The following DPP9 variants were observed in gnomAD, a reference collection of about 807,000 sequenced individuals.
DPP9 encodes dipeptidyl peptidase IV-related protein-2.
DPP9 carries 50 observed loss-of-function variants against 110.7 expected under a neutral mutation model. The observed-to-expected ratio is 0.45, with a 90% confidence interval of 0.36 to 0.57. The LOEUF (loss-of-function observed/expected upper bound fraction) is 0.57, where lower values mean the gene tolerates loss of function less well. DPP9 is among the 20% of genes least tolerant of loss of function. DPP9 has a pLI of 0.00. For synonymous variants in DPP9, 561 were observed against 514.4 expected (o/e 1.09, Z -1.23); for missense variants, 1,022 against 1,217.9 (o/e 0.84, Z 2.39).
intron 21 of DPP9, among the ~76,000 whole-genome samples, chr19:4,677,405 AG>A (rs1193265820): frequency 2.0e-5 from 3 of 152,156 alleles, no homozygotes; most frequent in African/African-American, 7.2e-5. Flanking sequence ...CAGCAGGGGC[AG>A]GTGGCCCATC....
rs151285928 is a variant in DPP9, at chr19:4,693,670, C to T, written c.1516+991G>A. Among the ~76,000 whole-genome samples the T allele has an allele frequency of 4.6e-3, 699 of 152,254 alleles. 7 individuals are homozygous for T. The highest frequency in any genetic ancestry group is 0.016 in the African/African-American group (668 of 41,546). On this transcript the variant is annotated intron_variant, in intron 13 of 21. Coordinates refer to ENST00000262960, the MANE Select transcript of DPP9 (RefSeq NM_139159.5). This position sits in a 1 kb window ranked among gnomAD's most constrained non-coding sequence, Gnocchi z 5.0. ...ATGACAGCAAGCCTGTCGCCTCTCC[C>T]GGCCCCTGGGCCTGTGTGCAAGCTG...
intron 13 of DPP9, among the ~76,000 whole-genome samples, chr19:4,692,581 G>C (rs2091423705): frequency 6.6e-6 from 1 of 152,144 alleles, no homozygotes; most frequent in Admixed American, 6.5e-5. Context: ...GGCTGAGCAG[G>C]GTGCTGGGAA....
rs1414383876 is a variant in DPP9 at position 4,693,230 on chromosome 19, C to T, written c.1516+1431G>A. ...CACCCGGCCCTGGCGTCCATGGTGT[C>T]CCTGCTCTAACTTTGAAGAGCCTGG... On this transcript the variant is annotated intron_variant, in intron 13 of 21. Coordinates refer to ENST00000262960, the MANE Select transcript of DPP9 (RefSeq NM_139159.5). The surrounding 1 kb of genome is among the most constrained non-coding windows in gnomAD (Gnocchi z 5.0). Among the ~76,000 whole-genome samples the T allele has an allele frequency of 2.0e-5, 3 of 152,140 alleles. No individual in the cohort carries two copies. Among genetic ancestry groups the T allele is most frequent in the Non-Finnish European group, 4.4e-5 (3 of 68,004 alleles).
chr19:4,700,335 CCGGCACGGGG>C lies in DPP9; in HGVS notation c.1013-68_1013-59del, dbSNP rs1323160113. 69 of 1,457,148 alleles carry C rather than the reference CCGGCACGGGG, an allele frequency of 4.7e-5. No individual in the cohort carries two copies. Among genetic ancestry groups the C allele is most frequent in the Non-Finnish European group, 6.5e-5 (69 of 1,066,164 alleles). The allele number at this position is 1,457,148 out of a possible 1,614,324, so 90.3% of individuals were successfully genotyped here. ...AGGCATCACCCGTGTGTGCCGAGAGCCGGCACGGGGGGCCTGGGCTGTGGGGTGACGTCCA... is the reference window on the plus strand; with the variant it reads ...AGGCATCACCCGTGTGTGCCGAGAGCGGCCTGGGCTGTGGGGTGACGTCCA... On this transcript the variant is annotated intron_variant, in intron 9 of 21. Transcript: ENST00000262960. This position sits in a 1 kb window ranked among gnomAD's most constrained non-coding sequence, Gnocchi z 4.3.
intron 15 of DPP9, 100 bp from the exon 16 acceptor site, chr19:4,688,992 C>G: frequency 2.2e-6 from 3 of 1,341,976 alleles, no homozygotes; most frequent in Non-Finnish European, 2.9e-6. Flanking sequence ...CCGCCCGCCC[C>G]CATCCCTCTG....
chr19:4,695,225 C>G lies in DPP9; in HGVS notation c.1353+153G>C, dbSNP rs1296827881. ...CACCAACCCCCCTAGACCCTCTTCC[C>G]TGCCAGCCAGGGATGGCCAAGGCCT... On this transcript the variant is annotated intron_variant, in intron 12 of 21. Transcript: ENST00000262960. The surrounding 1 kb of genome is among the most constrained non-coding windows in gnomAD (Gnocchi z 4.7). 3 of 809,912 alleles carry G rather than the reference C, an allele frequency of 3.7e-6. No homozygotes were observed. The highest frequency in any genetic ancestry group is 5.6e-6 in the Non-Finnish European group (3 of 532,746). 50.2% of individuals were successfully genotyped at this position (809,912 alleles called of 1,614,324 possible). A position where few individuals can be genotyped will look rare whatever the true frequency, so the allele number is the denominator to read the frequency against.
intron 16 of DPP9, among the ~76,000 whole-genome samples, chr19:4,686,618 C>T (rs2090759830): frequency 6.6e-6 from 1 of 152,152 alleles, no homozygotes; most frequent in Non-Finnish European, 1.5e-5. Context: ...CCACACCCAG[C>T]CATCGAACTC....
Position 4,685,548 on chromosome 19 carries a change from C to A in DPP9, c.2031+78G>T. 6.9e-7 allele frequency: 1 copy of A among 1,443,822 alleles called. No homozygotes were observed. Among genetic ancestry groups the A allele is most frequent in the East Asian group, 2.4e-5 (1 of 41,058 alleles). The allele number at this position is 1,443,822 out of a possible 1,614,324, so 89.4% of individuals were successfully genotyped here. A position where few individuals can be genotyped will look rare whatever the true frequency, so the allele number is the denominator to read the frequency against. The stretch of plus-strand genomic sequence containing the variant: ...GAGCCTCCTCTGGTTGACTGTTCTA[C>A]AGCTGGCACTTGAGTGGGGATGGGG... On this transcript the variant is annotated intron_variant, in intron 17 of 21. Transcript: ENST00000262960. The surrounding 1 kb of genome is among the most constrained non-coding windows in gnomAD (Gnocchi z 5.8).
intron 13 of DPP9, among the ~76,000 whole-genome samples, chr19:4,691,986 T>C (rs1366338615): frequency 2.0e-5 from 3 of 151,884 alleles, no homozygotes; most frequent in Non-Finnish European, 4.4e-5. Flanking sequence ...CCGACTTTTT[T>C]TGTGGGGGCG....
Position 4,704,376 on chromosome 19 carries a change from C to T in DPP9, c.427-72G>A, listed in dbSNP as rs922461593. 2.0e-5 allele frequency: 30 copies of T among 1,536,486 alleles called. No homozygotes were observed. Among genetic ancestry groups the T allele is most frequent in the African/African-American group, 2.7e-5 (2 of 73,248 alleles). ...ATCTCCCGCTGGCCAGGGCAGAGAT[C>T]CTCGGGCTGGGGCATTCCCAGGGAA... is the stretch of plus-strand genomic sequence containing the variant. On this transcript the variant is annotated intron_variant, in intron 5 of 21. Transcript: ENST00000262960. This position sits in a 1 kb window ranked among gnomAD's most constrained non-coding sequence, Gnocchi z 6.0.
At position 4,720,557 on chromosome 19, in the gene DPP9, GC is replaced by G. The variant is rs914038582; in HGVS notation, c.-35-617del. ...ACCACACCCAGACGCTGATACAATG[GC>G]CTGGACCATAATTCCAGTTGTCCCC... On this transcript the variant is annotated intron_variant, in intron 2 of 21. Coordinates refer to ENST00000262960, the MANE Select transcript of DPP9 (RefSeq NM_139159.5). Among the ~76,000 whole-genome samples the G allele has an allele frequency of 4.6e-4, 70 of 152,268 alleles. 2 individuals are homozygous for G. Among genetic ancestry groups the G allele is most frequent in the African/African-American group, 1.7e-3 (69 of 41,552 alleles).
intron 21 of DPP9, 23 bp downstream of exon 21, chr19:4,679,812 C>A: frequency 2.6e-6 from 4 of 1,558,502 alleles, no homozygotes; most frequent in Non-Finnish European, 3.5e-6. Flanking sequence ...GCGGAGGGGC[C>A]GAAGCCCCCA....
At position 4,685,490 on chromosome 19, in the gene DPP9, G is replaced by A. The variant is rs757400307; in HGVS notation, c.2031+136C>T. 7.2e-5 allele frequency: 71 copies of A among 990,562 alleles called. No homozygotes were observed. The highest frequency in any genetic ancestry group is 9.5e-5 in the Non-Finnish European group (63 of 664,628). The allele number at this position is 990,562 out of a possible 1,614,324, so 61.4% of individuals were successfully genotyped here. A position where few individuals can be genotyped will look rare whatever the true frequency, so the allele number is the denominator to read the frequency against. On this transcript the variant is annotated intron_variant, in intron 17 of 21. Transcript: ENST00000262960. The surrounding 1 kb of genome is among the most constrained non-coding windows in gnomAD (Gnocchi z 5.8). ...AGGACCCTGTGTAGTCAGGGCAGGC[G>A]GGGTGGGCTGGGGCACCAGGCAGGT... is the stretch of plus-strand genomic sequence containing the variant.
chr19:4,697,824 CTGAGT>C (rs1298327627), intron 10 of DPP9, among the ~76,000 whole-genome samples, 173 bp from the exon 11 acceptor site: 6 of 152,192 alleles, frequency 3.9e-5, no homozygotes, highest in Non-Finnish European at 7.3e-5. Flanking sequence ...TGGAGATGTA[CTGAGT>C]TAAGACAAGG....
chr19:4,683,958 G>A, intron 18 of DPP9: 1 of 696,118 alleles, frequency 1.4e-6, no homozygotes, highest in Non-Finnish European at 2.2e-6. Flanking sequence ...AAAAAGACGG[G>A]TGCCCAGGCA....
chr19:4,704,111 C>G lies in DPP9; in HGVS notation c.600+20G>C, dbSNP rs755763979. ...GGGCCCTCCACGCCACCCCCGCACA[C>G]AGCCAGGGCCAGGGCTCACCATGAA... On this transcript the variant is annotated intron_variant, in intron 6 of 21. Coordinates refer to ENST00000262960, the MANE Select transcript of DPP9 (RefSeq NM_139159.5). This position sits in a 1 kb window ranked among gnomAD's most constrained non-coding sequence, Gnocchi z 6.0. 5.0e-6 allele frequency: 8 copies of G among 1,613,812 alleles called. No homozygotes were observed. The East Asian group carries it at 1.8e-4, about 36-fold the overall frequency.
At position 4,685,949 on chromosome 19, in the gene DPP9, A is replaced by T. The variant is rs913583150; in HGVS notation, c.1886-178T>A. ...TTTTTTCATTAAATAAGATTTGTAC[A>T]GTTTTTGTAGAGATGGGGTCTTGTC... On this transcript the variant is annotated intron_variant, in intron 16 of 21. Coordinates refer to ENST00000262960, the MANE Select transcript of DPP9 (RefSeq NM_139159.5). This position sits in a 1 kb window ranked among gnomAD's most constrained non-coding sequence, Gnocchi z 5.8. 31 of 669,770 alleles carry T rather than the reference A, an allele frequency of 4.6e-5. 2 individuals carry two copies. In the South Asian group the frequency reaches 6.2e-4, roughly 13 times the overall value. 41.5% of individuals were successfully genotyped at this position (669,770 alleles called of 1,614,324 possible). A position where few individuals can be genotyped will look rare whatever the true frequency, so the allele number is the denominator to read the frequency against.
Position 4,689,003 on chromosome 19 carries a change from C to A in DPP9, c.1750-111G>T. On this transcript the variant is annotated intron_variant, in intron 15 of 21. Transcript: ENST00000262960. The surrounding 1 kb of genome is among the most constrained non-coding windows in gnomAD (Gnocchi z 7.0). ...CCTCCCGCCCGCCCCCATCCCTCTG[C>A]CCCTGCCTGTCATGAAACCTCAAAG... 3 of 1,270,842 alleles carry A rather than the reference C, an allele frequency of 2.4e-6. No homozygotes were observed. The highest frequency in any genetic ancestry group is 3.0e-6 in the Non-Finnish European group (3 of 989,086). The allele number at this position is 1,270,842 out of a possible 1,614,324, so 78.7% of individuals were successfully genotyped here. A position where few individuals can be genotyped will look rare whatever the true frequency, so the allele number is the denominator to read the frequency against.
chr19:4,685,859 G>T lies in DPP9; in HGVS notation c.1886-88C>A. 1.3e-6 allele frequency: 2 copies of T among 1,498,990 alleles called. No individual in the cohort carries two copies. The highest frequency in any genetic ancestry group is 1.2e-5 in the South Asian group (1 of 81,080). 92.9% of individuals were successfully genotyped at this position (1,498,990 alleles called of 1,614,324 possible). A position where few individuals can be genotyped will look rare whatever the true frequency, so the allele number is the denominator to read the frequency against. On this transcript the variant is annotated intron_variant, in intron 16 of 21. Transcript: ENST00000262960. The surrounding 1 kb of genome is among the most constrained non-coding windows in gnomAD (Gnocchi z 5.8). ...TCTCCTGCCCACCCCAAGCCTTGGAGGGTGGACCAAAGCACCCCCTCTTTT... is the reference window on the plus strand; with the variant it reads ...TCTCCTGCCCACCCCAAGCCTTGGATGGTGGACCAAAGCACCCCCTCTTTT...
Sources: gnomAD v4.1 joint callset for allele counts (sites outside exome capture counted in the v4.1 genomes callset) on GRCh38, gnomAD v4.1.1 for gene constraint, Gnocchi (gnomAD v3.1) non-coding constraint, MANE v1.5 for transcripts, NCBI Gene and HGNC (gene_info 2026-07-23, HGNC 2026-07-21) for gene names.